Variants in FGFR1 observed in about 807,000 individuals in gnomAD.
FGFR1 encodes the protein fibroblast growth factor receptor 1, also known as FGFR1/PLAG1 fusion.
Under a neutral mutation model 93.7 loss-of-function variants are expected in FGFR1, and 18 were observed. That is an observed-to-expected ratio of 0.19 (90% confidence interval 0.13 to 0.28). The LOEUF (loss-of-function observed/expected upper bound fraction) is 0.28. Among genes scored for constraint, FGFR1 ranks in the 10% least tolerant of loss-of-function variants. The pLI, the probability that FGFR1 is intolerant of heterozygous loss-of-function variation, is 1.00. For synonymous variants in FGFR1, 448 were observed against 429.3 expected (o/e 1.04, Z -0.54); for missense variants, 731 against 1,080.4 (o/e 0.68, Z 4.53).
Position 38,429,776 on chromosome 8 carries a change from C to T in FGFR1, c.264G>A (p.Val88=), listed in dbSNP as rs746440133. Residue 88 remains valine, a synonymous_variant, in exon 3 of 18, where the codon GTG becomes GTA. Transcript: ENST00000447712. The surrounding 1 kb of genome is among the most constrained non-coding windows in gnomAD (Gnocchi z 4.4). ...RTRITGEEVE[V]QDSVPADSGL... ...CGGAGTCTGCGGGCACGGAGTCCTG[C>T]ACCTCCACCTCCTCCCCTGTGATGC... 6.2e-6 allele frequency: 10 copies of T among 1,610,128 alleles called. No homozygotes were observed. The highest frequency in any genetic ancestry group is 8.5e-6 in the Non-Finnish European group (10 of 1,178,364).
chr8:38,441,143 G>A (rs1327084405), intron 2 of FGFR1, among the ~76,000 whole-genome samples: 2 of 151,850 alleles, frequency 1.3e-5, no homozygotes, highest in African/African-American at 2.4e-5. Context: ...GGCGCCAAGA[G>A]CTATTGGCCT....
chr8:38,419,476 C>T, intron 9 of FGFR1, 57 bp downstream of exon 9: 1 of 1,465,878 alleles, frequency 6.8e-7, no homozygotes, highest in South Asian at 1.1e-5. Flanking sequence ...GAGGGCAGGG[C>T]ATTAGAGGCC....
chr8:38,418,330 A>G lies in FGFR1; in HGVS notation c.1328T>C (p.Leu443Pro), dbSNP rs756375285. 6.8e-6 allele frequency: 11 copies of G among 1,614,226 alleles called. No individual in the cohort carries two copies. The Admixed American group carries it at 1.7e-4, about 24-fold the overall frequency. ...SSASMNSGVLLVRPSRLSSSG... is the reference protein window; with the variant it reads ...SSASMNSGVLPVRPSRLSSSG... ...GGAGGAGAGCCGTGATGGCCGAACCAGAAGAACCCCAGAGTTCATGGATGC... is the reference window on the plus strand; with the variant it reads ...GGAGGAGAGCCGTGATGGCCGAACCGGAAGAACCCCAGAGTTCATGGATGC... The change falls in exon 10 of 18, where the codon CTG becomes CCG. Residue 443 changes from leucine (L) to proline (P), a missense_variant. Physicochemically the swap from Leu to Pro is moderately conservative, Grantham distance 98. This residue lies in a region of FGFR1 where 146 missense variants were observed against 173.0 expected (regional missense o/e 0.84). Coordinates refer to ENST00000447712, the MANE Select transcript of FGFR1 (RefSeq NM_023110.3).
chr8:38,425,146 T>A (rs1159874646), intron 6 of FGFR1, among the ~76,000 whole-genome samples: 1 of 94,488 alleles, frequency 1.1e-5, no homozygotes. Context: ...CCTTTTTACC[T>A]TTTTTTTTTT....
chr8:38,433,910 T>C lies in FGFR1; in HGVS notation c.92-3962A>G, dbSNP rs78523352. 7.9e-4 allele frequency among the ~76,000 whole-genome samples: 121 copies of C among 152,324 alleles called. 2 individuals carry two copies. The East Asian group carries it at 0.02, about 25-fold the overall frequency. On this transcript the variant is annotated intron_variant, in intron 2 of 17. Transcript: ENST00000447712. ...CGCCCCTCAAAAAATGCCTGACCCA[T>C]AGTAGTCACTCCTCCATCCCCTATC...
At chr8:38,427,836 A>G (rs1303187460) in intron 5 of FGFR1, 85 bp downstream of exon 5, 55 of 1,494,890 alleles carry the variant, frequency 3.7e-5, no homozygotes, top group Non-Finnish European at 6.5e-6. Context: ...TATTACTTAA[A>G]AAAATGAAAA....
rs1415269914 is a variant in FGFR1, at chr8:38,413,555, G to C, written c.*73C>G. The C allele has an allele frequency of 5.4e-6, 8 of 1,491,894 alleles. No individual in the cohort carries two copies. In the African/African-American group the frequency reaches 5.5e-5, roughly 10 times the overall value. The allele number at this position is 1,491,894 out of a possible 1,614,324, so 92.4% of individuals were successfully genotyped here. ...GGAAAGGGGACAGGGACGGACAGGT[G>C]GTGGGCCCAGCAGGGGCTGTGGGTG... On this transcript the variant is annotated 3_prime_UTR_variant, in exon 18 of 18. Transcript: ENST00000447712. The surrounding 1 kb of genome is among the most constrained non-coding windows in gnomAD (Gnocchi z 4.2).
rs184975547 is a variant in FGFR1, at chr8:38,458,489, C to A, written c.-88-955G>T. On this transcript the variant is annotated intron_variant, in intron 1 of 17. Transcript: ENST00000447712. Reference sequence around the variant, plus strand: ...TCAGGAGGCGGAGGTTGCAGTGAGCCGAGATCGCAGCACTGCACTACAGCC... The same window carrying A: ...TCAGGAGGCGGAGGTTGCAGTGAGCAGAGATCGCAGCACTGCACTACAGCC... Among the ~76,000 whole-genome samples, 18 of 151,966 alleles carry A rather than the reference C, an allele frequency of 1.2e-4. No individual in the cohort carries two copies. The East Asian group carries it at 2.3e-3, about 20-fold the overall frequency.
At chr8:38,461,608 C>T (rs1834425339) in intron 1 of FGFR1, among the ~76,000 whole-genome samples, 1 of 152,180 alleles carries the variant, frequency 6.6e-6, no homozygotes, top group Admixed American at 6.5e-5. Flanking sequence ...CACACCCAGC[C>T]TGGGTCTTTT....
At position 38,457,273 on chromosome 8, in the gene FGFR1, C is replaced by A. The variant is rs1833090131; in HGVS notation, c.91+83G>T. 8 of 1,477,348 alleles carry A rather than the reference C, an allele frequency of 5.4e-6. No homozygotes were observed. In the South Asian group the frequency reaches 9.3e-5, roughly 17 times the overall value. 91.5% of individuals were successfully genotyped at this position (1,477,348 alleles called of 1,614,324 possible). A position where few individuals can be genotyped will look rare whatever the true frequency, so the allele number is the denominator to read the frequency against. On this transcript the variant is annotated intron_variant, in intron 2 of 17. Transcript: ENST00000447712. ...AAGGAGCCTTCCCTGTTGACCACAT[C>A]ACCTGCAACCATATCACCTCCCTCC...
At chr8:38,446,205 C>CT (rs773129271) in intron 2 of FGFR1, among the ~76,000 whole-genome samples, 1,790 of 127,726 alleles carry the variant, frequency 0.014, 30 homozygotes, top group Admixed American at 0.042. Context: ...CCTCTCCCAC[C>CT]TTTTTTTTTT....
intron 1 of FGFR1, among the ~76,000 whole-genome samples, chr8:38,465,166 T>C (rs1340225770): frequency 6.6e-6 from 1 of 152,234 alleles, no homozygotes; most frequent in East Asian, 1.9e-4. Context: ...CATTTCTTCC[T>C]GAGCCTTTGC....
Position 38,415,468 on chromosome 8 carries a change from A to T in FGFR1, c.1854+402T>A, listed in dbSNP as rs543617003. On this transcript the variant is annotated intron_variant, in intron 13 of 17. Coordinates refer to ENST00000447712, the MANE Select transcript of FGFR1 (RefSeq NM_023110.3). ...ACTACCACACCCAGCTAATTTTTTA[A>T]TTTTTTTTTTTTTTTTAAAGACGGG... Among the ~76,000 whole-genome samples, 150 of 141,718 alleles carry T rather than the reference A, an allele frequency of 1.1e-3. 1 individual carries two copies. Among genetic ancestry groups the T allele is most frequent in the Middle Eastern group, 3.7e-3 (1 of 272 alleles). The allele number at this position is 141,718 out of a possible 152,430, so 93.0% of individuals were successfully genotyped here. A position where few individuals can be genotyped will look rare whatever the true frequency, so the allele number is the denominator to read the frequency against.
intron 1 of FGFR1, chr8:38,463,508 A>G (rs1834870519): frequency 4.5e-6 from 1 of 220,686 alleles, no homozygotes; most frequent in Non-Finnish European, 9.1e-6. Flanking sequence ...GCTCCTTCAG[A>G]ACAGGGTCTG....
At position 38,417,851 on chromosome 8, in the gene FGFR1, G is replaced by C. The variant is rs557460259; in HGVS notation, c.1552+19C>G. The C allele has an allele frequency of 6.2e-7, 1 of 1,614,210 alleles. No individual in the cohort carries two copies. Among genetic ancestry groups the C allele is most frequent in the South Asian group, 1.1e-5 (1 of 91,076 alleles). On this transcript the variant is annotated intron_variant, in intron 11 of 17. Coordinates refer to ENST00000447712, the MANE Select transcript of FGFR1 (RefSeq NM_023110.3). ...GAATGGGACAAGATTTTCTTTGCAA[G>C]GACAGAAGCATCACTTACACTTCAA...
Position 38,428,365 on chromosome 8 carries a change from G to A in FGFR1, c.429C>T (p.Asn143=). The change falls in exon 4 of 18, where the codon AAC becomes AAT. Residue 143 remains asparagine, a synonymous_variant. Transcript: ENST00000447712. ...DSSSEEKETD[N]TKPNRMPVAP... ...TCTCACGCATACGGTTTGGTTTGGT[G>A]TTATCTGTTTCTTTCTCCTCTGAAG... 2 of 1,614,118 alleles carry A rather than the reference G, an allele frequency of 1.2e-6. No homozygotes were observed. Among genetic ancestry groups the A allele is most frequent in the Non-Finnish European group, 1.7e-6 (2 of 1,179,986 alleles).
At chr8:38,421,012 G>C (rs1329640335) in intron 8 of FGFR1, among the ~76,000 whole-genome samples, 1 of 152,162 alleles carries the variant, frequency 6.6e-6, no homozygotes, top group African/African-American at 2.4e-5. Flanking sequence ...AGACCCTGAC[G>C]GGCAAGCAGG....
Position 38,413,781 on chromosome 8 carries a change from G to A in FGFR1, c.2316C>T (p.Pro772=), listed in dbSNP as rs999936730. ...GAAAGCTGGGGGAGTACTGGTCCAGGGGCATGGACAGGTCCAGGTACTCCT... is the reference window on the plus strand; with the variant it reads ...GAAAGCTGGGGGAGTACTGGTCCAGAGGCATGGACAGGTCCAGGTACTCCT... The part of the protein sequence containing the change: ...SNQEYLDLSM[P]LDQYSPSFPD... The change falls in exon 18 of 18, where the codon CCC becomes CCT. Residue 772 remains proline (P), a synonymous_variant. Coordinates refer to ENST00000447712, the MANE Select transcript of FGFR1 (RefSeq NM_023110.3). This position sits in a 1 kb window ranked among gnomAD's most constrained non-coding sequence, Gnocchi z 4.2. 1.9e-6 allele frequency: 3 copies of A among 1,614,086 alleles called. No individual in the cohort carries two copies. The highest frequency in any genetic ancestry group is 2.5e-6 in the Non-Finnish European group (3 of 1,179,978).
At chr8:38,460,727 A>T (rs1353611065) in intron 1 of FGFR1, among the ~76,000 whole-genome samples, 1 of 152,132 alleles carries the variant, frequency 6.6e-6, no homozygotes, top group Non-Finnish European at 1.5e-5. Context: ...CTGGAATAAG[A>T]AGTCAGCATA....
Sources: allele counts gnomAD v4.1 joint callset (sites outside exome capture counted in the v4.1 genomes callset), GRCh38; gene constraint gnomAD v4.1.1; regional missense constraint gnomAD v4.1.1; non-coding constraint Gnocchi (gnomAD v3.1); transcripts MANE v1.5; gene names NCBI Gene and HGNC (gene_info 2026-07-23, HGNC 2026-07-21).